MYCBP2: variants seen among roughly 807,000 people sequenced by gnomAD.
MYCBP2 encodes the protein E3 ubiquitin-protein ligase MYCBP2.
MYCBP2 carries 120 observed loss-of-function variants against 525.3 expected under a neutral mutation model. The ratio of observed to expected loss-of-function variants is 0.23; its 90% confidence interval spans 0.20 to 0.27. The LOEUF (loss-of-function observed/expected upper bound fraction) is 0.27. Ranked by LOEUF, MYCBP2 falls within the 10% of genes least tolerant of loss-of-function variation. MYCBP2 has a pLI of 1.00. For synonymous variants in MYCBP2, 1,894 were observed against 1,955.8 expected, an observed-to-expected ratio of 0.97 and a Z score of 0.83; for missense variants, 4,149 against 5,657.1, an observed-to-expected ratio of 0.73 and a Z score of 8.55.
chr13:77,303,320 G>A (rs573627735), intron 1 of MYCBP2, among the ~76,000 whole-genome samples: 5 of 152,328 alleles, frequency 3.3e-5, no homozygotes, highest in Non-Finnish European at 7.3e-5. Context: ...GCGACAGAGC[G>A]AGACTCCGTC....
chr13:77,178,960 T>G (rs747979368), intron 34 of MYCBP2, among the ~76,000 whole-genome samples: 8 of 152,182 alleles, frequency 5.3e-5, no homozygotes, highest in Non-Finnish European at 1.0e-4. Context: ...GTTAAAAAAT[T>G]TCTGACAAGG....
intron 2 of MYCBP2, among the ~76,000 whole-genome samples, chr13:77,288,804 T>C (rs2077162065): frequency 1.3e-5 from 2 of 152,210 alleles, no homozygotes; most frequent in Non-Finnish European, 2.9e-5. Flanking sequence ...TATAGAAGTT[T>C]ACACAGAAAT....
At chr13:77,265,587 G>C (rs2073952006) in intron 8 of MYCBP2, among the ~76,000 whole-genome samples, 1 of 152,134 alleles carries the variant, frequency 6.6e-6, no homozygotes, top group Non-Finnish European at 1.5e-5. Context: ...GGAACATGAA[G>C]CTCAAGGAAT....
intron 8 of MYCBP2, among the ~76,000 whole-genome samples, chr13:77,266,244 T>C (rs540165108): frequency 2.0e-5 from 3 of 152,294 alleles, no homozygotes; most frequent in East Asian, 3.9e-4. Context: ...TTTTCTTCTA[T>C]GTCATTATCC....
At chr13:77,213,856 G>A (rs2064395747) in intron 21 of MYCBP2, among the ~76,000 whole-genome samples, 1 of 152,216 alleles carries the variant, frequency 6.6e-6, no homozygotes, top group African/African-American at 2.4e-5. Context: ...GAAGGAGACA[G>A]CGGGTGTCAT....
At chr13:77,237,621 A>G (rs565565904) in intron 17 of MYCBP2, among the ~76,000 whole-genome samples, 2 of 152,294 alleles carry the variant, frequency 1.3e-5, no homozygotes, top group East Asian at 1.9e-4. Flanking sequence ...CTAAATTCCT[A>G]TATTACTTTA....
intron 80 of MYCBP2, among the ~76,000 whole-genome samples, 166 bp from the exon 81 acceptor site, chr13:77,052,084 G>T (rs1278295846): frequency 6.6e-6 from 1 of 152,172 alleles, no homozygotes; most frequent in African/African-American, 2.4e-5. Flanking sequence ...CTTGCTGACT[G>T]TATGTAGGGT....
At chr13:77,221,904 A>C (rs1364439187) in intron 20 of MYCBP2, among the ~76,000 whole-genome samples, 1 of 152,190 alleles carries the variant, frequency 6.6e-6, no homozygotes, top group Non-Finnish European at 1.5e-5. Flanking sequence ...ATTTGTACAT[A>C]AACTACACAT....
intron 51 of MYCBP2, among the ~76,000 whole-genome samples, chr13:77,139,826 T>C (rs2054322478): frequency 6.6e-6 from 1 of 152,218 alleles, no homozygotes; most frequent in Admixed American, 6.5e-5. Flanking sequence ...ATGTCGAACA[T>C]TGTTCTTTTC....
intron 55 of MYCBP2, among the ~76,000 whole-genome samples, chr13:77,104,986 G>A (rs2047633250): frequency 6.6e-6 from 1 of 152,064 alleles, no homozygotes; most frequent in African/African-American, 2.4e-5. Flanking sequence ...CTATTTAAGT[G>A]TCATATAATA....
rs375483472 is a variant in MYCBP2, at chr13:77,251,194, C to A, written c.2338G>T (p.Ala780Ser). ...TVCGDCTGYG[A>S]SCVSSGRPDR... ...GGCCGTCCACTACTGACACAGCTGG[C>A]TCCATAACCTGTACAGTCTCCACAG... Residue 780 changes from alanine to serine, a missense_variant, in exon 15 of 83, where the codon GCC (alanine) becomes TCC (serine). Ala to Ser is a moderately conservative substitution (Grantham distance 99). Around this residue, in one of 21 missense-constraint regions of MYCBP2, gnomAD observed 620 missense variants for 795.5 expected, o/e 0.78. Coordinates refer to ENST00000544440, the MANE Select transcript of MYCBP2 (RefSeq NM_015057.5). 2,321 of 1,614,178 alleles carry A rather than the reference C, an allele frequency of 1.4e-3. 48 individuals are homozygous for A. In the South Asian group the frequency reaches 0.024, roughly 17 times the overall value.
chr13:77,310,863 T>A (rs7339290), intron 1 of MYCBP2, among the ~76,000 whole-genome samples: 151,475 of 152,270 alleles, frequency 0.99, 75,346 homozygotes, highest in Middle Eastern at 1. Context: ...AATCTTTTTT[T>A]AAAGCCAGAT....
intron 17 of MYCBP2, 142 bp from the exon 18 acceptor site, chr13:77,233,405 C>T (rs1379998262): frequency 1.6e-6 from 1 of 621,332 alleles, no homozygotes; most frequent in Non-Finnish European, 2.8e-6. Flanking sequence ...AATTTCCCCA[C>T]TCCAGCCCCC....
intron 62 of MYCBP2, 125 bp downstream of exon 62, chr13:77,087,359 C>T: frequency 1.2e-6 from 1 of 856,408 alleles, no homozygotes; most frequent in Non-Finnish European, 1.8e-6. Flanking sequence ...GCCCATAGCA[C>T]TAAAATATTC....
intron 17 of MYCBP2, among the ~76,000 whole-genome samples, chr13:77,240,732 C>T (rs1366007485): frequency 6.6e-6 from 1 of 152,190 alleles, no homozygotes; most frequent in Non-Finnish European, 1.5e-5. Flanking sequence ...TTCTAGGTAA[C>T]TGTGGTGACT....
intron 52 of MYCBP2, chr13:77,129,780 A>G (rs922302457): frequency 6.6e-6 from 1 of 151,946 alleles, no homozygotes; most frequent in Non-Finnish European, 1.5e-5. Context: ...CCTTCCCTTT[A>G]TAAGTAGGAA....
At chr13:77,303,956 T>C (rs1401720712) in intron 1 of MYCBP2, among the ~76,000 whole-genome samples, 1 of 152,160 alleles carries the variant, frequency 6.6e-6, no homozygotes, top group Non-Finnish European at 1.5e-5. Context: ...CTGAAAAGAT[T>C]AGTATACATA....
Position 77,243,134 on chromosome 13 carries a change from C to T in MYCBP2, c.2554G>A (p.Glu852Lys), listed in dbSNP as rs770300430. ...LAVPVPGVNI[E>K]EHLQLRQEEK... ...TCTTGTCGTAACTGAAGGTGTTCTT[C>T]AATGTTAACCCCGGGCACTGGGACA... Residue 852 changes from glutamate (E) to lysine (K), a missense_variant, in exon 17 of 83, where the codon GAA becomes AAA. Glu to Lys is a moderately conservative substitution (Grantham distance 56). Coordinates refer to ENST00000544440, the MANE Select transcript of MYCBP2 (RefSeq NM_015057.5). The T allele has an allele frequency of 6.2e-7, 1 of 1,613,942 alleles. No individual in the cohort carries two copies. Among genetic ancestry groups the T allele is most frequent in the South Asian group, 1.1e-5 (1 of 91,082 alleles).
intron 46 of MYCBP2, 52 bp from the exon 47 acceptor site, chr13:77,151,001 A>C: frequency 6.9e-7 from 1 of 1,447,062 alleles, no homozygotes; most frequent in Non-Finnish European, 9.7e-7. Flanking sequence ...ATTGTCACTG[A>C]CATCAAAATA....
Sources: allele counts gnomAD v4.1 joint callset (sites outside exome capture counted in the v4.1 genomes callset), GRCh38; gene constraint gnomAD v4.1.1; regional missense constraint gnomAD v4.1.1; transcripts MANE v1.5; gene names NCBI Gene and HGNC (gene_info 2026-07-23, HGNC 2026-07-21).